CFAP299: variants seen among roughly 807,000 people sequenced by gnomAD.
CFAP299 encodes the protein cilia and flagella associated protein 299.
In CFAP299, 21 loss-of-function variants were observed where a neutral mutation model predicts 27.0. The observed-to-expected ratio is 0.78, with a 90% CI of 0.55 to 1.12. The LOEUF (loss-of-function observed/expected upper bound fraction) is 1.12, where lower values mean the gene tolerates loss of function less well. Ranked by LOEUF, CFAP299 falls within the 50% of genes most tolerant of loss-of-function variation. CFAP299 has a pLI of 0.00. For synonymous variants in CFAP299, 104 were observed against 98.1 expected (o/e 1.06, Z -0.36); for missense variants, 310 against 276.6 (o/e 1.12, Z -0.86).
chr4:80,480,362 CAA>C (rs1372511930), intron 2 of CFAP299, among the ~76,000 whole-genome samples: 2 of 151,574 alleles, frequency 1.3e-5, no homozygotes, highest in African/African-American at 4.8e-5. Context: ...AGAGGGTACG[CAA>C]AGAGGGGGCT....
intron 3 of CFAP299, among the ~76,000 whole-genome samples, chr4:80,717,237 G>A (rs1170908871): frequency 6.6e-6 from 1 of 152,122 alleles, no homozygotes; most frequent in Non-Finnish European, 1.5e-5. Flanking sequence ...GGACCACTTA[G>A]AGGAGTATCT....
intron 4 of CFAP299, among the ~76,000 whole-genome samples, chr4:80,901,450 T>C (rs2110195586): frequency 6.6e-6 from 1 of 152,276 alleles, no homozygotes; most frequent in East Asian, 1.9e-4. Context: ...TGGGTAAAAC[T>C]GAGCATAAGT....
intron 3 of CFAP299, among the ~76,000 whole-genome samples, chr4:80,706,021 G>A (rs553495562): frequency 1.3e-5 from 2 of 151,830 alleles, no homozygotes; most frequent in East Asian, 1.9e-4. Flanking sequence ...TATTGATTAT[G>A]CAATAAATCT....
intron 3 of CFAP299, among the ~76,000 whole-genome samples, chr4:80,719,404 G>A (rs1007335879): frequency 6.6e-6 from 1 of 152,122 alleles, no homozygotes; most frequent in Admixed American, 6.5e-5. Flanking sequence ...TTGGGTCTTA[G>A]GGTAATTCTA....
rs934891663 is a variant in CFAP299, at chr4:80,505,318, A to G, written c.243-77775A>G. ...ATTAAATCCAGTTCTTTTCTGAAAA[A>G]GGAACTAACTTGGTACATTTTAAAG... On this transcript the variant is annotated intron_variant, in intron 2 of 5. Transcript: ENST00000358105. 2.3e-4 allele frequency among the ~76,000 whole-genome samples: 35 copies of G among 152,232 alleles called. 1 individual carries two copies. Among genetic ancestry groups the G allele is most frequent in the Admixed American group, 1.4e-3 (22 of 15,280 alleles).
intron 4 of CFAP299, among the ~76,000 whole-genome samples, chr4:80,899,622 C>T (rs1734785238): frequency 6.6e-6 from 1 of 152,128 alleles, no homozygotes; most frequent in South Asian, 2.1e-4. Context: ...TTAAACTAGG[C>T]ATGTCAGAGA....
chr4:80,341,791 C>T (rs1722471103), intron 1 of CFAP299, among the ~76,000 whole-genome samples: 1 of 152,202 alleles, frequency 6.6e-6, no homozygotes, highest in Non-Finnish European at 1.5e-5. Context: ...AACAGGTCTC[C>T]AGCAAGGGCA....
intron 3 of CFAP299, among the ~76,000 whole-genome samples, chr4:80,817,772 T>G (rs953379216): frequency 5.3e-5 from 8 of 152,090 alleles, no homozygotes; most frequent in African/African-American, 1.7e-4. Flanking sequence ...TATCTATGTT[T>G]CTTTTTAACT....
intron 2 of CFAP299, among the ~76,000 whole-genome samples, chr4:80,529,269 C>G (rs1480224729): frequency 6.6e-6 from 1 of 152,096 alleles, no homozygotes; most frequent in Non-Finnish European, 1.5e-5. Context: ...CTCTTCCAAT[C>G]CTTTCCTGGC....
intron 3 of CFAP299, among the ~76,000 whole-genome samples, chr4:80,601,047 A>T (rs1045080196): frequency 6.6e-6 from 1 of 152,164 alleles, no homozygotes; most frequent in South Asian, 2.1e-4. Context: ...TAAGACTCAT[A>T]TATGAGAGTG....
chr4:80,633,624 G>T (rs1007897651), intron 3 of CFAP299, among the ~76,000 whole-genome samples: 4 of 151,984 alleles, frequency 2.6e-5, no homozygotes, highest in Non-Finnish European at 4.4e-5. Context: ...TGGCTTTAGG[G>T]GTTTAGATAT....
chr4:80,894,647 A>T (rs973779548), intron 4 of CFAP299, among the ~76,000 whole-genome samples: 2 of 151,960 alleles, frequency 1.3e-5, no homozygotes, highest in African/African-American at 4.8e-5. Flanking sequence ...TAAAAAATTT[A>T]AAAAATCTAA....
At chr4:80,481,388 T>A (rs756978722) in intron 2 of CFAP299, among the ~76,000 whole-genome samples, 14 of 152,150 alleles carry the variant, frequency 9.2e-5, no homozygotes, top group Non-Finnish European at 2.1e-4. Context: ...GAGCTATTGA[T>A]TTTTAAAATG....
At chr4:80,733,825 C>G (rs1723687311) in intron 3 of CFAP299, among the ~76,000 whole-genome samples, 1 of 152,062 alleles carries the variant, frequency 6.6e-6, no homozygotes, top group South Asian at 2.1e-4. Context: ...GAATAGTACT[C>G]CATTGTGTAT....
At chr4:80,523,449 A>G (rs1326821145) in intron 2 of CFAP299, among the ~76,000 whole-genome samples, 1 of 152,132 alleles carries the variant, frequency 6.6e-6, no homozygotes, top group Admixed American at 6.6e-5. Context: ...GTGATGCTTA[A>G]TTTTATATAT....
intron 2 of CFAP299, among the ~76,000 whole-genome samples, chr4:80,561,725 G>T (rs1204248263): frequency 2.7e-4 from 41 of 151,832 alleles, no homozygotes. Context: ...GAGAAATAGA[G>T]AGCTTTGAAG....
intron 3 of CFAP299, among the ~76,000 whole-genome samples, chr4:80,759,343 A>G (rs940166902): frequency 6.6e-6 from 1 of 152,232 alleles, no homozygotes; most frequent in African/African-American, 2.4e-5. Context: ...GTAAGGTTAT[A>G]GGAAACACGA....
chr4:80,583,145 G>T lies in CFAP299; in HGVS notation c.295G>T (p.Ala99Ser), dbSNP rs771728913. The T allele has an allele frequency of 6.2e-7, 1 of 1,605,892 alleles. No homozygotes were observed. The change falls in exon 3 of 6, where the codon GCA becomes TCA. Residue 99 changes from alanine to serine, a missense_variant. Physicochemically the swap from Ala to Ser is moderately conservative, Grantham distance 99. Coordinates refer to ENST00000358105, the MANE Select transcript of CFAP299 (RefSeq NM_152770.3). ...DLQDNFLTAL[A>S]MREEDNRSGK... ...ACAAGATAATTTTCTGACGGCCCTG[G>T]CAATGAGAGAAGAAGACAATCGCAG...
chr4:80,855,600 C>T (rs1022827154), intron 3 of CFAP299, among the ~76,000 whole-genome samples: 1 of 152,122 alleles, frequency 6.6e-6, no homozygotes, highest in Non-Finnish European at 1.5e-5. Flanking sequence ...TGTTCCCCTT[C>T]CTGTATCCAT....
Sources: gnomAD v4.1 joint callset for allele counts (sites outside exome capture counted in the v4.1 genomes callset) on GRCh38, gnomAD v4.1.1 for gene constraint, MANE v1.5 for transcripts, NCBI Gene and HGNC (gene_info 2026-07-23, HGNC 2026-07-21) for gene names.